The following EYS variants were observed in gnomAD, a reference collection of about 807,000 sequenced individuals.
EYS encodes the protein EGF-like photoreceptor maintenance factor.
A neutral mutation model predicts 282.1 loss-of-function variants in EYS; 250 were observed. That is an observed-to-expected ratio of 0.89 (90% CI 0.80 to 0.98). The LOEUF (loss-of-function observed/expected upper bound fraction) is 0.98, where lower values mean the gene tolerates loss of function less well. Among genes scored for constraint, EYS ranks in the 50% least tolerant of loss-of-function variants. The probability of loss-of-function intolerance (pLI) is 0.00; values close to 1 mark genes in which losing one functional copy is unlikely to be tolerated. For missense variants in EYS, 4,016 were observed against 3,709.0 expected, an observed-to-expected ratio of 1.08 and a Z score of -2.15; for synonymous variants, 1,355 against 1,282.9, an observed-to-expected ratio of 1.06 and a Z score of -1.20.
intron 29 of EYS, among the ~76,000 whole-genome samples, chr6:64,329,134 G>A (rs1260051164): frequency 6.6e-6 from 1 of 152,116 alleles, no homozygotes; most frequent in Non-Finnish European, 1.5e-5. Flanking sequence ...GAGGTAGGAG[G>A]CTGGAAAAAG....
rs1286135110 is a variant in EYS at position 64,698,906 on chromosome 6, AGTGGTATG to A, written c.3444-72669_3444-72662del. Among the ~76,000 whole-genome samples the A allele has an allele frequency of 3.3e-5, 5 of 152,190 alleles. No homozygotes were observed. In the South Asian group the frequency reaches 8.3e-4, roughly 25 times the overall value. Reference sequence around the variant, plus strand: ...TAAAATTAGTTCAACCATTGTAGAAAGTGGTATGGTGATTCCTCAAAGAGCTAAAAGCA... The same window carrying A: ...TAAAATTAGTTCAACCATTGTAGAAAGTGATTCCTCAAAGAGCTAAAAGCA... On this transcript the variant is annotated intron_variant, in intron 22 of 42. Coordinates refer to ENST00000503581, the MANE Select transcript of EYS (RefSeq NM_001142800.2).
At chr6:64,907,982 G>T (rs1767882592) in intron 16 of EYS, among the ~76,000 whole-genome samples, 1 of 152,122 alleles carries the variant, frequency 6.6e-6, no homozygotes, top group African/African-American at 2.4e-5. Flanking sequence ...GGCAACTGAG[G>T]CTTCATATGC....
At chr6:63,839,973 AT>A (rs1002033678) in intron 36 of EYS, among the ~76,000 whole-genome samples, 1 of 145,356 alleles carries the variant, frequency 6.9e-6, no homozygotes, top group African/African-American at 2.5e-5. Context: ...GATTTTGAGC[AT>A]TTTTTTTAAT....
rs200969989 is a variant in EYS, at chr6:65,369,330, T to TTATATA, written c.1299+15050_1299+15055dup. Among the ~76,000 whole-genome samples the TTATATA allele has an allele frequency of 4.7e-3, 649 of 138,292 alleles. 11 individuals are homozygous for TTATATA. Among genetic ancestry groups the TTATATA allele is most frequent in the African/African-American group, 0.016 (611 of 38,392 alleles). The allele number at this position is 138,292 out of a possible 152,430, so 90.7% of individuals were successfully genotyped here. On this transcript the variant is annotated intron_variant, in intron 8 of 42. Coordinates refer to ENST00000503581, the MANE Select transcript of EYS (RefSeq NM_001142800.2). ...TAATATATATATTATATATATATAT[T>TTATATA]TATATATATATATATCTCATTCTGA...
intron 31 of EYS, among the ~76,000 whole-genome samples, chr6:64,200,218 C>A (rs1403314654): frequency 2.6e-5 from 4 of 151,910 alleles, no homozygotes; most frequent in Admixed American, 2.6e-4. Context: ...GGTGATATAA[C>A]AGTGGTAAAA....
At chr6:63,833,231 A>G (rs564320595) in intron 36 of EYS, among the ~76,000 whole-genome samples, 1 of 152,306 alleles carries the variant, frequency 6.6e-6, no homozygotes, top group Non-Finnish European at 1.5e-5. Flanking sequence ...ATCAAGCAAG[A>G]GAAAGAAATG....
chr6:63,996,704 G>A lies in EYS; in HGVS notation c.6834+2371C>T, dbSNP rs191746327. ...GATCTTGGGCAGGAAACTCATCCTC[G>A]TGCTTTATTTTCCTTCTCTGTATTT... On this transcript the variant is annotated intron_variant, in intron 34 of 42. Transcript: ENST00000503581. Among the ~76,000 whole-genome samples, 18 of 152,074 alleles carry A rather than the reference G, an allele frequency of 1.2e-4. No individual in the cohort carries two copies. The East Asian group carries it at 1.7e-3, about 15-fold the overall frequency.
intron 36 of EYS, among the ~76,000 whole-genome samples, chr6:63,807,526 TTG>T (rs1770937971): frequency 6.6e-6 from 1 of 152,192 alleles, no homozygotes; most frequent in Non-Finnish European, 1.5e-5. Context: ...ACTAAGATAT[TTG>T]TGTGAATAAA....
chr6:64,863,017 A>G (rs1003467690), intron 19 of EYS, among the ~76,000 whole-genome samples: 4 of 152,156 alleles, frequency 2.6e-5, no homozygotes, highest in African/African-American at 9.6e-5. Context: ...ATTGGCCAAT[A>G]GTTTTTAAAG....
chr6:64,897,985 G>A (rs1562248636), intron 18 of EYS, among the ~76,000 whole-genome samples: 1 of 152,210 alleles, frequency 6.6e-6, no homozygotes. Flanking sequence ...TTTGATTGGT[G>A]TACCTGAAAG....
intron 35 of EYS, among the ~76,000 whole-genome samples, chr6:63,927,943 G>C (rs1445234490): frequency 6.6e-6 from 1 of 152,160 alleles, no homozygotes; most frequent in Non-Finnish European, 1.5e-5. Flanking sequence ...TTGATGCTCA[G>C]ACAGGCTTCT....
At chr6:63,892,968 G>A (rs1773445999) in intron 35 of EYS, among the ~76,000 whole-genome samples, 1 of 151,994 alleles carries the variant, frequency 6.6e-6, no homozygotes, top group African/African-American at 2.4e-5. Context: ...CAGCCAACAA[G>A]CATATGAAAA....
chr6:63,755,019 C>T (rs930775784), intron 41 of EYS, among the ~76,000 whole-genome samples: 8 of 151,918 alleles, frequency 5.3e-5, no homozygotes, highest in African/African-American at 1.9e-4. Flanking sequence ...TTTCCTTTGC[C>T]CACTTTTTGA....
chr6:65,260,123 T>C (rs1344344703), intron 12 of EYS, among the ~76,000 whole-genome samples: 2 of 152,030 alleles, frequency 1.3e-5, no homozygotes, highest in Non-Finnish European at 2.9e-5. Flanking sequence ...GCAAGCTTCT[T>C]CTCAAGGCAG....
chr6:63,779,396 G>A (rs1770149640), intron 39 of EYS: 1 of 151,330 alleles, frequency 6.6e-6, no homozygotes, highest in Non-Finnish European at 1.5e-5. Context: ...AGAGCTTGAA[G>A]TGAGCTGAGA....
At chr6:64,302,779 A>AT (rs1769281738) in intron 30 of EYS, among the ~76,000 whole-genome samples, 2 of 152,208 alleles carry the variant, frequency 1.3e-5, no homozygotes, top group South Asian at 4.1e-4. Flanking sequence ...TCAATCAGCA[A>AT]TGGAAAAGCA....
intron 22 of EYS, among the ~76,000 whole-genome samples, chr6:64,689,987 T>C (rs1406035241): frequency 2.0e-5 from 3 of 151,942 alleles, no homozygotes; most frequent in African/African-American, 4.8e-5. Context: ...GGGATCTAAT[T>C]AAACTAAAGA....
chr6:65,363,916 A>G (rs948659506), intron 8 of EYS, among the ~76,000 whole-genome samples: 7 of 151,646 alleles, frequency 4.6e-5, no homozygotes, highest in Non-Finnish European at 1.0e-4. Flanking sequence ...ATGACTTTAA[A>G]TATATTCTTG....
rs1435232958 is a variant in EYS, at chr6:65,495,241, C to A, written c.170G>T (p.Cys57Phe). 1.2e-6 allele frequency: 2 copies of A among 1,614,146 alleles called. No individual in the cohort carries two copies. Among genetic ancestry groups the A allele is most frequent in the Admixed American group, 3.3e-5 (2 of 60,016 alleles). The change falls in exon 4 of 43, where the codon TGC (cysteine) becomes TTC (phenylalanine). Residue 57 changes from cysteine (C) to phenylalanine (F), a missense_variant. Cys to Phe is a radical substitution (Grantham distance 205). Transcript: ENST00000503581. The stretch of plus-strand genomic sequence containing the variant: ...TTTAGTGTTTACACCCAAAAACCAG[C>A]AATCTCTGTAGAAGTCCAAGCAGAT... ...ENICLDFYRD[C>F]WFLGVNTKID...
Sources: allele counts gnomAD v4.1 joint callset (sites outside exome capture counted in the v4.1 genomes callset), GRCh38; gene constraint gnomAD v4.1.1; transcripts MANE v1.5; gene names NCBI Gene and HGNC (gene_info 2026-07-23, HGNC 2026-07-21).